Variants in ZNF468 observed in about 807,000 individuals in gnomAD.
The protein encoded by ZNF468 is zinc finger protein 468.
ZNF468 carries 8 observed loss-of-function variants against 7.2 expected under a neutral mutation model. That is an observed-to-expected ratio of 1.11 (90% confidence interval 0.65 to 2.01). The LOEUF (loss-of-function observed/expected upper bound fraction) is 2.01, where lower values mean the gene tolerates loss of function less well. ZNF468 is among the 30% of genes most tolerant of loss of function. ZNF468 has a pLI of 0.00. For missense variants in ZNF468, 608 were observed against 626.5 expected (o/e 0.97, Z 0.31); for synonymous variants, 218 against 214.4 (o/e 1.02, Z -0.15).
intron 2 of ZNF468, 93 bp downstream of exon 2, chr19:52,854,165 G>A: frequency 6.2e-7 from 1 of 1,606,442 alleles, no homozygotes; most frequent in South Asian, 1.1e-5. Context: ...AAACATGTCA[G>A]GCAGGTCATT....
At chr19:52,849,500 AC>A (rs1288026108) in intron 2 of ZNF468, 1 of 491,710 alleles carries the variant, frequency 2.0e-6, no homozygotes, top group African/African-American at 2.0e-5. Flanking sequence ...AATGTTTGAA[AC>A]TTTTATAGAC....
chr19:52,855,471 G>A (rs1422223241), intron 1 of ZNF468, among the ~76,000 whole-genome samples: 1 of 152,252 alleles, frequency 6.6e-6, no homozygotes, highest in Admixed American at 6.5e-5. Context: ...CCCAGGAGGA[G>A]GCTGGACACT....
rs563234626 is a variant in ZNF468, at chr19:52,855,687, C to T, written c.-73-1342G>A. ...CCGCTCTGTTTCTTCCATTCTTCTG[C>T]TTTTTTTTTTTTCATTTTTGGGGTA... On this transcript the variant is annotated intron_variant, in intron 1 of 3. Transcript: ENST00000595646. 3.1e-3 allele frequency among the ~76,000 whole-genome samples: 373 copies of T among 120,030 alleles called. 1 individual carries two copies. The highest frequency in any genetic ancestry group is 4.9e-3 in the Non-Finnish European group (257 of 52,068). 78.7% of individuals were successfully genotyped at this position (120,030 alleles called of 152,430 possible).
intron 3 of ZNF468, among the ~76,000 whole-genome samples, chr19:52,843,055 A>G (rs1249966866): frequency 6.7e-6 from 1 of 149,124 alleles, no homozygotes; most frequent in Non-Finnish European, 1.5e-5. Flanking sequence ...CGGGAGGCAA[A>G]GATTGTGGTG....
In ZNF468 at chr19:52,838,108, C is replaced by T. The variant is rs2063264234; in HGVS notation, c.*2617G>A. On this transcript the variant is annotated 3_prime_UTR_variant, in exon 4 of 4. Transcript: ENST00000595646. ...TTTTTTTCATGAACTTCTTGAAGAC[C>T]CCTTGTACTAGCGAACTGTATTCAA... 1.3e-5 allele frequency: 2 copies of T among 151,898 alleles called. No individual in the cohort carries two copies. The highest frequency in any genetic ancestry group is 4.8e-5 in the African/African-American group (2 of 41,332). The allele number at this position is 151,898 out of a possible 1,614,324, so 9.4% of individuals were successfully genotyped here.
At chr19:52,849,898 G>T (rs10421456) in intron 2 of ZNF468, among the ~76,000 whole-genome samples, 2 of 151,800 alleles carry the variant, frequency 1.3e-5, no homozygotes, top group Non-Finnish European at 2.9e-5. Flanking sequence ...GCAAGACCCC[G>T]TCTCAAAATA....
In ZNF468 at chr19:52,840,617, A is replaced by C. The variant is rs2063286725; in HGVS notation, c.*108T>G. On this transcript the variant is annotated 3_prime_UTR_variant, in exon 4 of 4. Coordinates refer to ENST00000595646, the MANE Select transcript of ZNF468 (RefSeq NM_001008801.2). ...TGTGCAAAGGTTGCTTTTTGATTAA[A>C]AACCTTGCCACATTCATTATGCTTG... 1.3e-6 allele frequency: 2 copies of C among 1,574,682 alleles called. No homozygotes were observed. The highest frequency in any genetic ancestry group is 2.2e-5 in the South Asian group (2 of 90,042).
At position 52,839,354 on chromosome 19, in the gene ZNF468, T is replaced by G. The variant is rs955012215; in HGVS notation, c.*1371A>C. The G allele has an allele frequency of 9.2e-6, 2 of 216,932 alleles. No homozygotes were observed. The highest frequency in any genetic ancestry group is 4.7e-5 in the African/African-American group (2 of 42,568). 13.4% of individuals were successfully genotyped at this position (216,932 alleles called of 1,614,324 possible). ...TGAGCTCCAGTGACCTACCTGTCTT[T>G]GCCTCTCAAAGTGCTGGAATTACAG... On this transcript the variant is annotated 3_prime_UTR_variant, in exon 4 of 4. Transcript: ENST00000595646.
In ZNF468 at chr19:52,841,648, C is replaced by G. The variant is rs1407174606; in HGVS notation, c.646G>C (p.Glu216Gln). The G allele has an allele frequency of 4.3e-6, 7 of 1,613,872 alleles. No individual in the cohort carries two copies. Among genetic ancestry groups the G allele is most frequent in the Non-Finnish European group, 5.9e-6 (7 of 1,180,018 alleles). ...AAGGATTTGAAGCTCTGTATACATT[C>G]AAAAGATTTTTCTCTCATGTGTACT... ...WEVHMREKSF[E>Q]CIQSFKSFNC... The change falls in exon 4 of 4, where the codon GAA becomes CAA. Residue 216 changes from glutamate to glutamine, a missense_variant. Glu to Gln is a conservative substitution (Grantham distance 29). Transcript: ENST00000595646.
At chr19:52,850,552 G>C (rs1052058251) in intron 2 of ZNF468, among the ~76,000 whole-genome samples, 2 of 152,142 alleles carry the variant, frequency 1.3e-5, no homozygotes, top group African/African-American at 4.8e-5. Context: ...GAAAACAACA[G>C]ACACTGCAGT....
At chr19:52,848,903 T>C (rs1252901465) in intron 3 of ZNF468, among the ~76,000 whole-genome samples, 184 bp downstream of exon 3, 1 of 152,032 alleles carries the variant, frequency 6.6e-6, no homozygotes, top group African/African-American at 2.4e-5. Context: ...TGAGCTATCA[T>C]GAAGAATGCA....
chr19:52,841,293 T>A lies in ZNF468; in HGVS notation c.1001A>T (p.Glu334Val), dbSNP rs2063296752. The stretch of plus-strand genomic sequence containing the variant: ...CAGATATGAATTATATGCGAAAGCC[T>A]CATCACAAACCTTACATTTGTATGG... The part of the protein sequence containing the change: ...EKPYKCKVCD[E>V]AFAYNSYLAK... The change falls in exon 4 of 4, where the codon GAG becomes GTG. Residue 334 changes from glutamate (E) to valine (V), a missense_variant. Glu to Val is a moderately radical substitution (Grantham distance 121, BLOSUM62 -2). Coordinates refer to ENST00000595646, the MANE Select transcript of ZNF468 (RefSeq NM_001008801.2). 1 of 1,613,740 alleles carries A rather than the reference T, an allele frequency of 6.2e-7. No individual in the cohort carries two copies. Among genetic ancestry groups the A allele is most frequent in the African/African-American group, 1.3e-5 (1 of 74,838 alleles).
chr19:52,854,563 C>T (rs969075849), intron 1 of ZNF468, among the ~76,000 whole-genome samples: 10 of 152,234 alleles, frequency 6.6e-5, no homozygotes, highest in African/African-American at 2.4e-4. Context: ...GGATGAGCTC[C>T]CCTTCAGGAA....
intron 2 of ZNF468, among the ~76,000 whole-genome samples, chr19:52,852,113 C>G (rs2063395264): frequency 6.6e-6 from 1 of 152,086 alleles, no homozygotes; most frequent in Non-Finnish European, 1.5e-5. Context: ...CACTTGTAAT[C>G]TCAGCACTTT....
intron 3 of ZNF468, among the ~76,000 whole-genome samples, chr19:52,845,841 C>T (rs896657319): frequency 1.3e-5 from 2 of 151,804 alleles, no homozygotes; most frequent in African/African-American, 4.8e-5. Context: ...CCTGTCTCTA[C>T]TAAAACACAA....
At chr19:52,845,876 G>A (rs1443138756) in intron 3 of ZNF468, among the ~76,000 whole-genome samples, 1 of 151,974 alleles carries the variant, frequency 6.6e-6, no homozygotes, top group Non-Finnish European at 1.5e-5. Context: ...GGTGGCGCAT[G>A]CCTGTAATCC....
intron 2 of ZNF468, among the ~76,000 whole-genome samples, chr19:52,850,932 TAC>T (rs556251557): frequency 6.6e-6 from 1 of 150,574 alleles, no homozygotes; most frequent in Non-Finnish European, 1.5e-5. Context: ...TATATATATA[TAC>T]ACACACACAT....
intron 3 of ZNF468, among the ~76,000 whole-genome samples, chr19:52,846,350 C>T (rs557297404): frequency 2.0e-5 from 3 of 152,236 alleles, no homozygotes; most frequent in Admixed American, 6.5e-5. Flanking sequence ...CAGCCACCCA[C>T]CACCGCACCT....
At chr19:52,854,140 T>C (rs747558715) in intron 2 of ZNF468, 118 bp downstream of exon 2, 48 of 1,596,182 alleles carry the variant, frequency 3.0e-5, no homozygotes, top group Middle Eastern at 3.3e-4. Context: ...AAGGAAGGCA[T>C]AAGTGAGGGT....
Sources: allele counts gnomAD v4.1 joint callset (sites outside exome capture counted in the v4.1 genomes callset), GRCh38; gene constraint gnomAD v4.1.1; transcripts MANE v1.5; gene names NCBI Gene and HGNC (gene_info 2026-07-23, HGNC 2026-07-21).